Variants in ZMIZ1 observed in about 807,000 individuals in gnomAD.
The protein encoded by ZMIZ1 is zinc finger MIZ-type containing 1.
In ZMIZ1, 17 loss-of-function variants were observed where a neutral mutation model predicts 113.9. That is an observed-to-expected ratio of 0.15 (90% CI 0.10 to 0.22). The LOEUF (loss-of-function observed/expected upper bound fraction) is 0.22. ZMIZ1 is among the 10% of genes least tolerant of loss of function. The pLI, the probability that ZMIZ1 is intolerant of heterozygous loss-of-function variation, is 1.00. For missense variants in ZMIZ1, 1,059 were observed against 1,477.8 expected (o/e 0.72, Z 4.65); for synonymous variants, 607 against 603.1 (o/e 1.01, Z -0.09).
chr10:79,084,668 G>A (rs761077764), intron 1 of ZMIZ1, among the ~76,000 whole-genome samples: 83 of 152,298 alleles, frequency 5.4e-4, no homozygotes, highest in Admixed American at 5.2e-3. Flanking sequence ...CAATCCTGCC[G>A]TATGAACACA....
At chr10:79,250,735 A>G (rs1015583516) in intron 7 of ZMIZ1, among the ~76,000 whole-genome samples, 1 of 152,150 alleles carries the variant, frequency 6.6e-6, no homozygotes, top group African/African-American at 2.4e-5. Context: ...CAGCCATCCT[A>G]GTGAGAGTGG....
chr10:79,122,098 C>G (rs1487829961), intron 2 of ZMIZ1, among the ~76,000 whole-genome samples: 1 of 152,138 alleles, frequency 6.6e-6, no homozygotes, highest in Non-Finnish European at 1.5e-5. Flanking sequence ...GAAGCCAACC[C>G]TGCTTGAGTA....
At chr10:79,311,296 GGC>G in intron 24 of ZMIZ1, 112 bp downstream of exon 24, 1 of 1,326,140 alleles carries the variant, frequency 7.5e-7, no homozygotes, top group East Asian at 2.7e-5. Context: ...GAGGTGGGTG[GGC>G]GGTGGGAGGG....
At chr10:79,107,550 C>T (rs1459501499) in intron 1 of ZMIZ1, among the ~76,000 whole-genome samples, 1 of 152,166 alleles carries the variant, frequency 6.6e-6, no homozygotes, top group East Asian at 1.9e-4. Context: ...GTGTTCACCA[C>T]GAAAGAGCGT....
intron 1 of ZMIZ1, among the ~76,000 whole-genome samples, chr10:79,072,241 GCGACAGAAC>G (rs1842312764): frequency 6.6e-6 from 1 of 152,130 alleles, no homozygotes; most frequent in Middle Eastern, 3.2e-3. Flanking sequence ...GCGGGGTTTG[GCGACAGAAC>G]CAGTTTCTCC....
intron 6 of ZMIZ1, among the ~76,000 whole-genome samples, chr10:79,212,682 G>A (rs1245329351): frequency 6.6e-6 from 1 of 151,986 alleles, no homozygotes; most frequent in Non-Finnish European, 1.5e-5. Flanking sequence ...CTTGAACTCA[G>A]GAGGCGGAGG....
chr10:79,311,693 A>C (rs949525179), intron 24 of ZMIZ1, among the ~76,000 whole-genome samples: 2 of 152,038 alleles, frequency 1.3e-5, no homozygotes, highest in Non-Finnish European at 2.9e-5. Context: ...AGGTGGGGGC[A>C]GAGGGGGCAG....
Position 79,298,464 on chromosome 10 carries a change from C to T in ZMIZ1, c.1550C>T (p.Thr517Ile), listed in dbSNP as rs747687626. The T allele has an allele frequency of 5.0e-6, 8 of 1,607,532 alleles. No homozygotes were observed. The highest frequency in any genetic ancestry group is 6.8e-6 in the Non-Finnish European group (8 of 1,177,204). ...YPHSPVPGNP[T>I]PPMTPGSSIP... is the part of the protein sequence containing the mutation. Reference sequence around the variant, plus strand: ...CACTCACCTGTTCCAGGGAACCCCACACCCCCCATGACCCCTGGGAGCAGC... The same window carrying T: ...CACTCACCTGTTCCAGGGAACCCCATACCCCCCATGACCCCTGGGAGCAGC... The change falls in exon 15 of 25, where the codon ACA becomes ATA. Residue 517 changes from threonine (T) to isoleucine (I), a missense_variant. Transcript: ENST00000334512.
At chr10:79,265,980 C>G (rs1851577572) in intron 7 of ZMIZ1, among the ~76,000 whole-genome samples, 1 of 152,180 alleles carries the variant, frequency 6.6e-6, no homozygotes, top group African/African-American at 2.4e-5. Context: ...CAGTCCACCC[C>G]AAGTGTGCAG....
chr10:79,277,049 C>G, intron 7 of ZMIZ1, 132 bp from the exon 8 acceptor site: 2 of 1,188,758 alleles, frequency 1.7e-6, no homozygotes, highest in Non-Finnish European at 2.3e-6. Flanking sequence ...CTGAGTAAGT[C>G]TTCTGGCGTC....
At chr10:79,127,010 G>T (rs571215579) in intron 2 of ZMIZ1, among the ~76,000 whole-genome samples, 1 of 152,328 alleles carries the variant, frequency 6.6e-6, no homozygotes, top group East Asian at 1.9e-4. Flanking sequence ...CCCCACTACA[G>T]ACTAAGGACC....
chr10:79,214,417 A>G (rs1055283166), intron 6 of ZMIZ1, among the ~76,000 whole-genome samples: 7 of 152,202 alleles, frequency 4.6e-5, no homozygotes, highest in Admixed American at 3.9e-4. Context: ...GGAGGGCCAC[A>G]GTCCCATTCC....
intron 1 of ZMIZ1, among the ~76,000 whole-genome samples, chr10:79,106,658 A>G (rs533565084): frequency 1.3e-5 from 2 of 152,344 alleles, no homozygotes; most frequent in Non-Finnish European, 2.9e-5. Flanking sequence ...CAGGCCCTGG[A>G]GGGTCAACAC....
intron 1 of ZMIZ1, among the ~76,000 whole-genome samples, chr10:79,090,450 G>A (rs1055490439): frequency 1.3e-5 from 2 of 152,192 alleles, no homozygotes; most frequent in African/African-American, 4.8e-5. Flanking sequence ...CCCTCTCAGG[G>A]TGTGGGGCTG....
chr10:79,199,801 A>G (rs1847995084), intron 4 of ZMIZ1, among the ~76,000 whole-genome samples: 1 of 152,162 alleles, frequency 6.6e-6, no homozygotes, highest in Non-Finnish European at 1.5e-5. Context: ...CAAATGAATT[A>G]CCTGTTCAGA....
intron 8 of ZMIZ1, among the ~76,000 whole-genome samples, chr10:79,277,875 G>C (rs1046021263): frequency 6.6e-6 from 1 of 152,248 alleles, no homozygotes; most frequent in Admixed American, 6.5e-5. Flanking sequence ...AATTCCCCCA[G>C]TTAATTATCT....
At chr10:79,304,282 G>T (rs1854535693) in intron 19 of ZMIZ1, 107 bp downstream of exon 19, 2 of 1,384,178 alleles carry the variant, frequency 1.4e-6, no homozygotes, top group African/African-American at 1.4e-5. Flanking sequence ...CTGTCCTGAA[G>T]GACGTCATGG....
intron 1 of ZMIZ1, among the ~76,000 whole-genome samples, chr10:79,114,755 G>T (rs1398340462): frequency 6.6e-6 from 1 of 152,154 alleles, no homozygotes; most frequent in Non-Finnish European, 1.5e-5. Context: ...CACGGGCTGA[G>T]AATCTCCCCT....
chr10:79,175,863 G>A (rs773457713), intron 4 of ZMIZ1, among the ~76,000 whole-genome samples: 6 of 152,022 alleles, frequency 3.9e-5, no homozygotes, highest in African/African-American at 7.2e-5. Flanking sequence ...CCTGGGAGCC[G>A]GTGTGAGCCT....
Sources: allele counts gnomAD v4.1 joint callset (sites outside exome capture counted in the v4.1 genomes callset), GRCh38; gene constraint gnomAD v4.1.1; transcripts MANE v1.5; gene names NCBI Gene and HGNC (gene_info 2026-07-23, HGNC 2026-07-21).